The following DEAF1 variants were observed in gnomAD, a reference collection of about 807,000 sequenced individuals.
The protein encoded by DEAF1 is DEAF1 transcription factor.
In DEAF1, 53 loss-of-function variants were observed where a neutral mutation model predicts 58.9. That is an observed-to-expected ratio of 0.90 (90% CI 0.72 to 1.13). The LOEUF is 1.13. Ranked by LOEUF, DEAF1 falls within the 50% of genes most tolerant of loss-of-function variation. The pLI, the probability that DEAF1 is intolerant of heterozygous loss-of-function variation, is 0.00. For missense variants in DEAF1, 685 were observed against 791.4 expected (o/e 0.87, Z 1.61); for synonymous variants, 385 against 340.4 (o/e 1.13, Z -1.44).
At chr11:666,673 C>G (rs975288018) in intron 10 of DEAF1, among the ~76,000 whole-genome samples, 3 of 151,990 alleles carry the variant, frequency 2.0e-5, no homozygotes, top group South Asian at 2.1e-4. Flanking sequence ...CCACTGCACT[C>G]CAACCCTGGG....
intron 6 of DEAF1, among the ~76,000 whole-genome samples, chr11:681,565 C>A (rs942960026): frequency 6.6e-6 from 1 of 152,176 alleles, no homozygotes; most frequent in Non-Finnish European, 1.5e-5. Context: ...CGCCCGCCAC[C>A]AAGCCTGGCT....
intron 10 of DEAF1, chr11:674,287 C>G: frequency 1.9e-6 from 1 of 533,718 alleles, no homozygotes. Flanking sequence ...CCGATGCGCA[C>G]AAAATTGTTT....
chr11:668,716 G>T (rs1859666674), intron 10 of DEAF1, among the ~76,000 whole-genome samples: 2 of 152,182 alleles, frequency 1.3e-5, no homozygotes, highest in Non-Finnish European at 2.9e-5. Context: ...CAGCTACTTG[G>T]GGGGCTGAGG....
At position 657,745 on chromosome 11, in the gene DEAF1, C is replaced by T. The variant is rs115504723; in HGVS notation, c.1504-3694G>A. ...CTCCCTGAAACCTGTCGTCCACCCC[C>T]ACGAGAAAGCACAAGACAAGCCTGG... On this transcript the variant is annotated intron_variant, in intron 10 of 11. Coordinates refer to ENST00000382409, the MANE Select transcript of DEAF1 (RefSeq NM_021008.4). 2.0e-3 allele frequency among the ~76,000 whole-genome samples: 303 copies of T among 152,244 alleles called. 2 individuals carry two copies. Among genetic ancestry groups the T allele is most frequent in the African/African-American group, 7.1e-3 (296 of 41,530 alleles).
At chr11:695,490 G>T (rs1407605569), upstream of DEAF1, 5 of 805,676 alleles carry the variant, frequency 6.2e-6, no homozygotes, top group East Asian at 1.7e-4. Flanking sequence ...GCCGGCGGCC[G>T]GCGCAATTCT....
intron 10 of DEAF1, 55 bp from the exon 11 acceptor site, chr11:654,106 G>C: frequency 3.4e-6 from 5 of 1,482,996 alleles, no homozygotes; most frequent in Non-Finnish European, 4.7e-6. Context: ...GAGCCCCTGA[G>C]ACACCGGGGA....
intron 2 of DEAF1, among the ~76,000 whole-genome samples, chr11:690,947 G>A (rs1307438171): frequency 2.0e-5 from 3 of 152,174 alleles, no homozygotes; most frequent in South Asian, 4.1e-4. Flanking sequence ...TCCCCAGATC[G>A]CCGAAGGCCC....
rs754021123 is a variant in DEAF1, at chr11:681,098, GA to G, written c.871-10del. ...AGCCTGACTGGGCCACTCTGGGGGA[GA>G]AAGGAGAGAGGCCACCACCTTCATG... On this transcript the variant is annotated splice_polypyrimidine_tract_variant and intron_variant, in intron 6 of 11. Transcript: ENST00000382409. 1 of 1,613,896 alleles carries G rather than the reference GA, an allele frequency of 6.2e-7. No homozygotes were observed. The highest frequency in any genetic ancestry group is 8.5e-7 in the Non-Finnish European group (1 of 1,180,024).
In DEAF1 at chr11:648,245, A is replaced by T. The variant is rs577518630; in HGVS notation, c.1594-3591T>A. On this transcript the variant is annotated intron_variant, in intron 11 of 11. Coordinates refer to ENST00000382409, the MANE Select transcript of DEAF1 (RefSeq NM_021008.4). ...AGTCTCCCTTTGTCTCCCAGGCTGG[A>T]GTGCTGTGGCACGATCTCGGCTCAC... Among the ~76,000 whole-genome samples the T allele has an allele frequency of 7.1e-3, 974 of 137,698 alleles. 6 individuals carry two copies. Among genetic ancestry groups the T allele is most frequent in the Non-Finnish European group, 0.011 (752 of 66,304 alleles). 90.3% of individuals were successfully genotyped at this position (137,698 alleles called of 152,430 possible). A position where few individuals can be genotyped will look rare whatever the true frequency, so the allele number is the denominator to read the frequency against.
chr11:671,921 T>C (rs7930365), intron 10 of DEAF1, among the ~76,000 whole-genome samples: 33,635 of 151,018 alleles, frequency 0.22, 5,662 homozygotes, highest in African/African-American at 0.48. Flanking sequence ...GCTCTTCTGC[T>C]CGCCTGTCAC....
At chr11:680,699 G>T (rs1025185598) in intron 7 of DEAF1, among the ~76,000 whole-genome samples, 4 of 152,178 alleles carry the variant, frequency 2.6e-5, no homozygotes, top group African/African-American at 9.7e-5. Context: ...TGGGCACTCA[G>T]CCATGCTCAC....
intron 1 of DEAF1, chr11:704,451 T>G (rs1590041138): frequency 7.8e-7 from 1 of 1,289,262 alleles, no homozygotes; most frequent in Non-Finnish European, 1.0e-6. Flanking sequence ...GTGGCCACGG[T>G]GAGCTGCAGG....
intron 11 of DEAF1, among the ~76,000 whole-genome samples, chr11:649,753 C>T (rs368785785): frequency 2.1e-4 from 32 of 150,384 alleles, no homozygotes; most frequent in Admixed American, 6.6e-4. Flanking sequence ...AGTTCCAGTG[C>T]GGTGGCTCAC....
upstream of DEAF1, among the ~76,000 whole-genome samples, chr11:697,022 GGT>G (rs780941590): frequency 4.8e-4 from 72 of 151,080 alleles, 2 homozygotes; most frequent in East Asian, 8.4e-3. Flanking sequence ...TGGTGGGGGG[GGT>G]GGGGTGCGGA....
At chr11:648,428 C>T (rs1373534723) in intron 11 of DEAF1, among the ~76,000 whole-genome samples, 1 of 152,110 alleles carries the variant, frequency 6.6e-6, no homozygotes. Flanking sequence ...ATCTCCTGAC[C>T]TCGTGATCCG....
intron 1 of DEAF1, among the ~76,000 whole-genome samples, chr11:692,678 C>T (rs933860780): frequency 2.0e-5 from 3 of 152,142 alleles, no homozygotes; most frequent in African/African-American, 7.2e-5. Context: ...CATAGAGAAA[C>T]CCCATCTCTA....
chr11:656,527 CTTTA>C (rs1859063263), intron 10 of DEAF1, among the ~76,000 whole-genome samples: 1 of 152,244 alleles, frequency 6.6e-6, no homozygotes, highest in African/African-American at 2.4e-5. Flanking sequence ...CTTCTGCAGG[CTTTA>C]TTAACATTCT....
intron 1 of DEAF1, chr11:700,383 C>T (rs1432127854): frequency 3.5e-5 from 28 of 803,226 alleles, no homozygotes; most frequent in Middle Eastern, 3.6e-4. Context: ...AAAAAGTAGC[C>T]GGGCGTGGTG....
Position 680,916 on chromosome 11 carries a change from C to CA in DEAF1, c.997+46dup, listed in dbSNP as rs1564945102. ...GGAGTGGTGACGAGAGAAGGCAATG[C>CA]ACTCAGGTCCCCTCAGTAAACTAGA... On this transcript the variant is annotated intron_variant, in intron 7 of 11. Coordinates refer to ENST00000382409, the MANE Select transcript of DEAF1 (RefSeq NM_021008.4). The CA allele has an allele frequency of 1.9e-6, 3 of 1,613,214 alleles. No individual in the cohort carries two copies. The South Asian group carries it at 3.3e-5, about 18-fold the overall frequency.
Sources: allele counts gnomAD v4.1 joint callset (sites outside exome capture counted in the v4.1 genomes callset), GRCh38; gene constraint gnomAD v4.1.1; transcripts MANE v1.5; gene names NCBI Gene and HGNC (gene_info 2026-07-23, HGNC 2026-07-21).